C1GALT1: variants seen among roughly 807,000 people sequenced by gnomAD.
The protein encoded by C1GALT1 is glycoprotein-N-acetylgalactosamine 3-beta-galactosyltransferase 1.
In C1GALT1, 11 loss-of-function variants were observed where a neutral mutation model predicts 31.0. The observed-to-expected ratio is 0.36, with a 90% CI of 0.22 to 0.59. C1GALT1 has a LOEUF of 0.59. C1GALT1 is among the 20% of genes least tolerant of loss of function. The pLI is 0.79. For missense variants in C1GALT1, 424 were observed against 425.2 expected (o/e 1.00, Z 0.03); for synonymous variants, 175 against 143.6 (o/e 1.22, Z -1.56).
intron 2 of C1GALT1, among the ~76,000 whole-genome samples, chr7:7,168,390 T>C (rs1474310475): frequency 1.3e-5 from 2 of 152,026 alleles, no homozygotes; most frequent in Non-Finnish European, 2.9e-5. Flanking sequence ...TACCACCTGG[T>C]GAGAATAAAA....
In C1GALT1 at chr7:7,207,773, G is replaced by C. The variant is rs1781815079; in HGVS notation, c.-18+24953G>C. 2.0e-5 allele frequency among the ~76,000 whole-genome samples: 3 copies of C among 148,470 alleles called. No individual in the cohort carries two copies. In the South Asian group the frequency reaches 6.3e-4, roughly 31 times the overall value. On this transcript the variant is annotated intron_variant, in intron 1 of 3. Transcript: ENST00000436587. ...AATTAGGTAGTATCCCTTCCTCAGGGTGTGCTTTTTTTCTTTGTTTTTTTT... is the reference window on the plus strand; with the variant it reads ...AATTAGGTAGTATCCCTTCCTCAGGCTGTGCTTTTTTTCTTTGTTTTTTTT...
chr7:7,198,879 T>TA (rs1479770292), intron 1 of C1GALT1, among the ~76,000 whole-genome samples: 1 of 152,236 alleles, frequency 6.6e-6, no homozygotes. Flanking sequence ...TCGGTGGTGA[T>TA]ATGCCCTTTA....
chr7:7,246,372 C>G lies in C1GALT1; in HGVS notation c.*2645C>G, dbSNP rs1269585396. The G allele has an allele frequency of 6.6e-6, 1 of 152,128 alleles. No homozygotes were observed. The highest frequency in any genetic ancestry group is 1.5e-5 in the Non-Finnish European group (1 of 68,032). The allele number at this position is 152,128 out of a possible 1,614,324, so 9.4% of individuals were successfully genotyped here. A position where few individuals can be genotyped will look rare whatever the true frequency, so the allele number is the denominator to read the frequency against. The stretch of plus-strand genomic sequence containing the variant: ...TTTTTATGTATATGATATATGACGT[C>G]TGATGCATTGGCCAGTAATAGTCAA... On this transcript the variant is annotated 3_prime_UTR_variant, in exon 4 of 4. Transcript: ENST00000436587.
intron 2 of C1GALT1, among the ~76,000 whole-genome samples, chr7:7,164,625 T>C (rs1398410449): frequency 6.6e-6 from 1 of 152,142 alleles, no homozygotes; most frequent in African/African-American, 2.4e-5. Context: ...GATATAGTCT[T>C]AAAGTCCTCA....
Position 7,243,899 on chromosome 7 carries a change from T to C in C1GALT1, c.*172T>C, listed in dbSNP as rs10259049. ...CTGAAGCTTTAAATGAGCTGTGAAG[T>C]GTGTTAAAATGTGTTTTGATACAGT... On this transcript the variant is annotated 3_prime_UTR_variant, in exon 4 of 4. Transcript: ENST00000436587. 2.1e-6 allele frequency: 1 copy of C among 480,738 alleles called. No homozygotes were observed. The highest frequency in any genetic ancestry group is 3.6e-6 in the Non-Finnish European group (1 of 275,050). The allele number at this position is 480,738 out of a possible 1,614,324, so 29.8% of individuals were successfully genotyped here.
intron 2 of C1GALT1, among the ~76,000 whole-genome samples, chr7:7,157,756 C>T (rs1357525431): frequency 1.3e-5 from 2 of 152,204 alleles, no homozygotes; most frequent in African/African-American, 4.8e-5. Flanking sequence ...TTCTTTACCA[C>T]CAAACTTCAA....
chr7:7,233,659 A>G (rs1289260963), intron 1 of C1GALT1, among the ~76,000 whole-genome samples: 7 of 152,212 alleles, frequency 4.6e-5, no homozygotes, highest in Middle Eastern at 3.2e-3. Context: ...TTTTAGGGCA[A>G]AAGTAGCCGC....
intron 1 of C1GALT1, among the ~76,000 whole-genome samples, chr7:7,191,470 C>G (rs1218440398): frequency 1.3e-5 from 2 of 152,028 alleles, no homozygotes; most frequent in African/African-American, 4.8e-5. Context: ...TTCTTGAAAC[C>G]CTGCTCTCAT....
chr7:7,197,165 C>A (rs201707844), intron 1 of C1GALT1, among the ~76,000 whole-genome samples: 4 of 152,022 alleles, frequency 2.6e-5, no homozygotes, highest in Non-Finnish European at 5.9e-5. Context: ...CAGGGTTTTT[C>A]TGGTTTTAGG....
chr7:7,204,418 A>G (rs1046053432), intron 1 of C1GALT1, among the ~76,000 whole-genome samples: 2 of 151,898 alleles, frequency 1.3e-5, no homozygotes, highest in Non-Finnish European at 2.9e-5. Flanking sequence ...GCAATGCCCT[A>G]CTTTCATTTC....
chr7:7,230,597 A>G (rs1783024450), intron 1 of C1GALT1, among the ~76,000 whole-genome samples: 1 of 105,354 alleles, frequency 9.5e-6, no homozygotes, highest in East Asian at 2.7e-4. Context: ...TTTATTTTCT[A>G]TTTGTCTCAT....
intron 2 of C1GALT1, among the ~76,000 whole-genome samples, chr7:7,167,053 A>G (rs1780406043): frequency 6.6e-6 from 1 of 152,232 alleles, no homozygotes; most frequent in Non-Finnish European, 1.5e-5. Context: ...CCAGGCTCAG[A>G]GTATTCCACA....
intron 2 of C1GALT1, among the ~76,000 whole-genome samples, chr7:7,158,655 G>A (rs897102235): frequency 1.3e-5 from 2 of 150,674 alleles, no homozygotes; most frequent in Non-Finnish European, 3.0e-5. Context: ...ATATATGTAT[G>A]CATGTATATG....
chr7:7,189,583 C>CT (rs1421594057), intron 1 of C1GALT1, among the ~76,000 whole-genome samples: 2 of 144,398 alleles, frequency 1.4e-5, no homozygotes, highest in Non-Finnish European at 3.0e-5. Flanking sequence ...ATTTGGTTAA[C>CT]TATCTTTTTT....
intron 1 of C1GALT1, among the ~76,000 whole-genome samples, chr7:7,200,375 C>G (rs1020558416): frequency 1.3e-5 from 2 of 152,202 alleles, no homozygotes; most frequent in African/African-American, 4.8e-5. Flanking sequence ...GGCTTTCACT[C>G]TCTTCTGGCT....
chr7:7,226,395 G>GC (rs1562587972), intron 1 of C1GALT1, among the ~76,000 whole-genome samples: 1 of 151,792 alleles, frequency 6.6e-6, no homozygotes, highest in Non-Finnish European at 1.5e-5. Flanking sequence ...GAATTTCAGG[G>GC]CTTTATTGTG....
At chr7:7,208,140 T>G (rs1781833344) in intron 1 of C1GALT1, among the ~76,000 whole-genome samples, 1 of 152,188 alleles carries the variant, frequency 6.6e-6, no homozygotes, top group Admixed American at 6.5e-5. Context: ...AGCAGCTGTC[T>G]TGATTATTAG....
intron 1 of C1GALT1, among the ~76,000 whole-genome samples, chr7:7,224,267 GGTT>G (rs1782649640): frequency 7.1e-6 from 1 of 139,966 alleles, no homozygotes; most frequent in Non-Finnish European, 1.5e-5. Context: ...AGTTTTTTTT[GGTT>G]TTTTTTTTGT....
At chr7:7,157,585 C>T (rs1780286280) in intron 2 of C1GALT1, among the ~76,000 whole-genome samples, 1 of 152,146 alleles carries the variant, frequency 6.6e-6, no homozygotes, top group Admixed American at 6.5e-5. Flanking sequence ...GCACTGATTC[C>T]GTGTTGCTCT....
Sources: allele counts gnomAD v4.1 joint callset (sites outside exome capture counted in the v4.1 genomes callset), GRCh38; gene constraint gnomAD v4.1.1; transcripts MANE v1.5; gene names NCBI Gene and HGNC (gene_info 2026-07-23, HGNC 2026-07-21).